HS6ST2: variants seen among roughly 807,000 people sequenced by gnomAD.
The protein encoded by HS6ST2 is heparan sulfate 6-O-sulfotransferase 2, also known as heparan-sulfate 6-O-sulfotransferase 2.
In HS6ST2, 17 loss-of-function variants were observed where a neutral mutation model predicts 33.0. The observed-to-expected ratio is 0.52, with a 90% CI of 0.35 to 0.77. The LOEUF (loss-of-function observed/expected upper bound fraction) is 0.77. HS6ST2 is among the 30% of genes least tolerant of loss of function. The pLI is 0.01. For synonymous variants in HS6ST2, 248 were observed against 237.1 expected, an observed-to-expected ratio of 1.05 and a Z score of -0.42; for missense variants, 519 against 551.7, an observed-to-expected ratio of 0.94 and a Z score of 0.59.
chrX:132,946,150 AG>A (rs2066952443), intron 2 of HS6ST2, among the ~76,000 whole-genome samples: 1 of 112,089 alleles, frequency 8.9e-6, no homozygotes, highest in South Asian at 3.8e-4. Flanking sequence ...GTGGAGAAAT[AG>A]GAACACTTTT....
At chrX:132,836,188 T>C (rs2065642056) in intron 2 of HS6ST2, among the ~76,000 whole-genome samples, 2 of 111,679 alleles carry the variant, frequency 1.8e-5, no homozygotes, top group African/African-American at 6.5e-5. Context: ...TTTAAAACTT[T>C]TATTGAGCAT....
At chrX:132,863,718 G>A (rs750238906) in intron 2 of HS6ST2, among the ~76,000 whole-genome samples, 1 of 110,959 alleles carries the variant, frequency 9.0e-6, no homozygotes, top group South Asian at 3.9e-4. Context: ...AAGACTTCAG[G>A]AACTTAATCA....
intron 2 of HS6ST2, among the ~76,000 whole-genome samples, chrX:132,748,756 C>T (rs754003473): frequency 4.0e-4 from 45 of 111,240 alleles, no homozygotes; most frequent in Admixed American, 3.3e-3. Context: ...GTGTGTGCCA[C>T]CACATGCAGA....
At chrX:132,840,663 T>C (rs1602737110) in intron 2 of HS6ST2, among the ~76,000 whole-genome samples, 1 of 111,843 alleles carries the variant, frequency 8.9e-6, no homozygotes, top group African/African-American at 3.2e-5. Context: ...TCCCCTTTTT[T>C]TCTTCTTCCT....
intron 4 of HS6ST2, among the ~76,000 whole-genome samples, chrX:132,657,006 G>A (rs1024323084): frequency 1.3e-4 from 14 of 111,163 alleles, no homozygotes; most frequent in Admixed American, 1.1e-3. Context: ...ACCTCTTTTC[G>A]TCCTTTTTCA....
intron 2 of HS6ST2, among the ~76,000 whole-genome samples, chrX:132,850,369 C>T (rs1001491999): frequency 2.7e-5 from 3 of 111,532 alleles, no homozygotes; most frequent in African/African-American, 9.8e-5. Flanking sequence ...AGCACATTTT[C>T]CCACACTCTC....
chrX:132,836,829 G>A (rs758075506), intron 2 of HS6ST2, among the ~76,000 whole-genome samples: 1 of 112,369 alleles, frequency 8.9e-6, no homozygotes, highest in South Asian at 3.7e-4. Context: ...TTGATTATAA[G>A]GTCAAGGAAT....
chrX:132,741,783 G>T (rs1287878804), intron 2 of HS6ST2, among the ~76,000 whole-genome samples: 1 of 111,257 alleles, frequency 9.0e-6, no homozygotes. Context: ...TCCACCCAGG[G>T]ATGCAAAAAG....
intron 4 of HS6ST2, among the ~76,000 whole-genome samples, chrX:132,656,427 C>T (rs950718561): frequency 2.0e-4 from 22 of 110,807 alleles, no homozygotes; most frequent in African/African-American, 5.2e-4. Flanking sequence ...TTCTTAGCAA[C>T]GGGGCTTTTG....
At chrX:132,888,768 C>T (rs764427090) in intron 2 of HS6ST2, among the ~76,000 whole-genome samples, 15 of 111,050 alleles carry the variant, frequency 1.4e-4, no homozygotes, top group Non-Finnish European at 2.3e-4. Flanking sequence ...CCTCCCAAAG[C>T]GCTGGGATTA....
Position 132,627,668 on chromosome X carries a change from A to AT in HS6ST2, c.*554dup, listed in dbSNP as rs2063488804. The AT allele has an allele frequency of 1.8e-5, 2 of 112,174 alleles. No individual in the cohort carries two copies. The highest frequency in any genetic ancestry group is 6.5e-5 in the African/African-American group (2 of 30,899). The allele number at this position is 112,174 out of a possible 1,213,427, so 9.2% of individuals were successfully genotyped here. A position where few individuals can be genotyped will look rare whatever the true frequency, so the allele number is the denominator to read the frequency against. On this transcript the variant is annotated 3_prime_UTR_variant, in exon 5 of 5. Coordinates refer to ENST00000370833, the MANE Select transcript of HS6ST2 (RefSeq NM_001394073.1). The stretch of plus-strand genomic sequence containing the variant: ...TAAAACTACCCATGTTTGGAGAGGA[A>AT]TTTTTTATTTTCTACAGCTCGGTAA...
intron 4 of HS6ST2, among the ~76,000 whole-genome samples, chrX:132,638,938 T>C (rs243447): frequency 8.9e-6 from 1 of 111,906 alleles, no homozygotes; most frequent in East Asian, 2.8e-4. Context: ...CCTTCATTCA[T>C]TGATTCTTTT....
intron 2 of HS6ST2, among the ~76,000 whole-genome samples, chrX:132,881,158 G>C (rs1401974790): frequency 1.7e-4 from 19 of 110,910 alleles, no homozygotes; most frequent in African/African-American, 5.3e-4. Context: ...GGGATGGCTG[G>C]GTCAAATGGT....
chrX:132,680,272 C>T (rs2063958856), intron 3 of HS6ST2, among the ~76,000 whole-genome samples: 1 of 111,132 alleles, frequency 9.0e-6, no homozygotes, highest in South Asian at 3.9e-4. Flanking sequence ...TCTGCCATGG[C>T]TTCAGCCGGT....
chrX:132,763,667 C>A (rs926896120), intron 2 of HS6ST2, among the ~76,000 whole-genome samples: 1 of 111,872 alleles, frequency 8.9e-6, no homozygotes, highest in East Asian at 2.8e-4. Context: ...GCTCACTTGA[C>A]GATGCTAGGG....
chrX:132,819,671 T>C (rs2065432897), intron 2 of HS6ST2, among the ~76,000 whole-genome samples: 1 of 112,232 alleles, frequency 8.9e-6, no homozygotes, highest in Non-Finnish European at 1.9e-5. Flanking sequence ...TCCTCCCTTC[T>C]ACTTTCCCAT....
At chrX:132,956,775 C>G in intron 2 of HS6ST2, 33 bp downstream of exon 2, 12 of 1,138,204 alleles carry the variant, frequency 1.1e-5, no homozygotes, top group Non-Finnish European at 1.4e-5. Context: ...CCGCCTAGGC[C>G]CGGGTCCCGC....
chrX:132,684,214 CATATATATACATATATAT>C (rs1386457714), intron 3 of HS6ST2, among the ~76,000 whole-genome samples: 1 of 99,555 alleles, frequency 1.0e-5, no homozygotes, highest in Non-Finnish European at 2.0e-5. Flanking sequence ...AGGACAGTGT[CATATATATACATATATAT>C]ATATATATAT....
At position 132,626,277 on chromosome X, in the gene HS6ST2, G is replaced by C. The variant is rs1360257462; in HGVS notation, c.*1946C>G. On this transcript the variant is annotated 3_prime_UTR_variant, in exon 5 of 5. Coordinates refer to ENST00000370833, the MANE Select transcript of HS6ST2 (RefSeq NM_001394073.1). ...GTAACAAGCTTTTCCACTGGCTCAG[G>C]CTTCATCCTGCTTTCCAACAATACC... is the stretch of plus-strand genomic sequence containing the variant. 8.9e-6 allele frequency: 1 copy of C among 112,521 alleles called. No homozygotes were observed. Among genetic ancestry groups the C allele is most frequent in the Non-Finnish European group, 1.9e-5 (1 of 53,232 alleles). The allele number at this position is 112,521 out of a possible 1,213,427, so 9.3% of individuals were successfully genotyped here.
Sources: allele counts gnomAD v4.1 joint callset (sites outside exome capture counted in the v4.1 genomes callset), GRCh38; gene constraint gnomAD v4.1.1; transcripts MANE v1.5; gene names NCBI Gene and HGNC (gene_info 2026-07-23, HGNC 2026-07-21).